PDE1C: variants seen among roughly 807,000 people sequenced by gnomAD.
The protein encoded by PDE1C is dual specificity calcium/calmodulin-dependent 3',5'-cyclic nucleotide phosphodiesterase 1C.
PDE1C carries 62 observed loss-of-function variants against 93.1 expected under a neutral mutation model. The ratio of observed to expected loss-of-function variants is 0.67; its 90% confidence interval spans 0.54 to 0.82. The LOEUF (loss-of-function observed/expected upper bound fraction) is 0.82. Among genes scored for constraint, PDE1C ranks in the 40% least tolerant of loss-of-function variants. The pLI is 0.00. For synonymous variants in PDE1C, 325 were observed against 310.1 expected (o/e 1.05, Z -0.50); for missense variants, 742 against 884.6 (o/e 0.84, Z 2.04).
chr7:31,625,037 G>A, the PDE1C span, among the ~76,000 whole-genome samples: 1 of 152,124 alleles, frequency 6.6e-6, no homozygotes, highest in Admixed American at 6.5e-5. Flanking sequence ...CATCATCACT[G>A]GCCATCAGAG....
At chr7:32,251,391 C>T (rs1259220366) in intron 1 of PDE1C, among the ~76,000 whole-genome samples, 1 of 152,228 alleles carries the variant, frequency 6.6e-6, no homozygotes, top group African/African-American at 2.4e-5. Flanking sequence ...CCATCATCTA[C>T]CCGGTTTTCC....
intron 2 of PDE1C, among the ~76,000 whole-genome samples, chr7:32,206,022 A>G (rs73106517): frequency 0.34 from 51,783 of 152,056 alleles, 9,422 homozygotes; most frequent in Admixed American, 0.46. Flanking sequence ...AACCGATTCT[A>G]GACGCAGTAC....
intron 2 of PDE1C, among the ~76,000 whole-genome samples, chr7:31,901,197 A>C (rs1799939325): frequency 6.6e-6 from 1 of 151,566 alleles, no homozygotes; most frequent in Non-Finnish European, 1.5e-5. Flanking sequence ...AAGTAGGTAG[A>C]AGGAATGAAA....
the PDE1C span, chr7:31,687,023 A>G: frequency 7.2e-5 from 11 of 152,216 alleles, no homozygotes; most frequent in East Asian, 1.9e-3. Flanking sequence ...TGGTGTGCAC[A>G]CCGGAAACTC....
chr7:31,731,707 C>T, the PDE1C span, among the ~76,000 whole-genome samples: 2 of 152,150 alleles, frequency 1.3e-5, no homozygotes, highest in African/African-American at 4.8e-5. Flanking sequence ...AGTTTTCAAT[C>T]AGCAGGCAGA....
At chr7:32,251,364 C>T (rs1809366196) in intron 1 of PDE1C, among the ~76,000 whole-genome samples, 1 of 152,234 alleles carries the variant, frequency 6.6e-6, no homozygotes, top group Non-Finnish European at 1.5e-5. Flanking sequence ...CCTAGAGCTG[C>T]AACTCAGGCA....
chr7:32,152,263 T>C (rs1312459478), intron 3 of PDE1C, among the ~76,000 whole-genome samples: 1 of 152,152 alleles, frequency 6.6e-6, no homozygotes, highest in East Asian at 1.9e-4. Context: ...CAGTTGTGTG[T>C]CCTTGGGCGT....
chr7:32,375,523 A>C (rs977696770), intron 1 of PDE1C, among the ~76,000 whole-genome samples: 2 of 152,246 alleles, frequency 1.3e-5, no homozygotes, highest in African/African-American at 4.8e-5. Flanking sequence ...GTGGTATATC[A>C]ACAACAACAA....
the PDE1C span, among the ~76,000 whole-genome samples, chr7:31,684,181 A>G: frequency 6.6e-6 from 1 of 152,214 alleles, no homozygotes; most frequent in South Asian, 2.1e-4. Context: ...CCCTGGGAAA[A>G]ATCAGCAACA....
chr7:31,664,131 A>G, the PDE1C span, among the ~76,000 whole-genome samples: 2 of 152,300 alleles, frequency 1.3e-5, no homozygotes, highest in Non-Finnish European at 2.9e-5. Flanking sequence ...ACTCTGAACC[A>G]CTGTCCAGTA....
rs900914709 is a variant in PDE1C at position 31,803,429 on chromosome 7, G to A, written c.1891+5602C>T. 2.0e-5 allele frequency among the ~76,000 whole-genome samples: 3 copies of A among 150,420 alleles called. No individual in the cohort carries two copies. The East Asian group carries it at 5.9e-4, about 29-fold the overall frequency. ...TATTATTATTATTATTATACTTTAA[G>A]TTTTAGGGTACATGTGCACAACGTG... On this transcript the variant is annotated intron_variant, in intron 16 of 17. Transcript: ENST00000396191.
intron 3 of PDE1C, among the ~76,000 whole-genome samples, chr7:32,107,289 G>A (rs1330774777): frequency 6.7e-6 from 1 of 149,746 alleles, no homozygotes; most frequent in Non-Finnish European, 1.5e-5. Flanking sequence ...AGGGAAGGAG[G>A]GAGGGAGGGA....
At chr7:32,203,538 C>T (rs1318116358) in intron 2 of PDE1C, among the ~76,000 whole-genome samples, 1 of 152,192 alleles carries the variant, frequency 6.6e-6, no homozygotes, top group Non-Finnish European at 1.5e-5. Context: ...TTCACTCCCC[C>T]ATCCACCCTA....
At chr7:32,407,091 T>C (rs1220149566) in intron 1 of PDE1C, among the ~76,000 whole-genome samples, 1 of 152,038 alleles carries the variant, frequency 6.6e-6, no homozygotes, top group Non-Finnish European at 1.5e-5. Context: ...CTGGCCAACA[T>C]GGTGAAACCC....
At chr7:31,882,808 G>A (rs1183037918) in intron 2 of PDE1C, among the ~76,000 whole-genome samples, 1 of 151,976 alleles carries the variant, frequency 6.6e-6, no homozygotes, top group Non-Finnish European at 1.5e-5. Flanking sequence ...AGTAATAGAA[G>A]TAAAAGCCAG....
At chr7:32,227,070 G>A (rs927594863) in intron 1 of PDE1C, among the ~76,000 whole-genome samples, 1 of 152,104 alleles carries the variant, frequency 6.6e-6, no homozygotes, top group Non-Finnish European at 1.5e-5. Context: ...GTCTCTGCCC[G>A]CAGCCAACCT....
intron 1 of PDE1C, among the ~76,000 whole-genome samples, chr7:32,283,880 G>A (rs1811836247): frequency 6.6e-6 from 1 of 152,134 alleles, no homozygotes; most frequent in Non-Finnish European, 1.5e-5. Flanking sequence ...GATTCACAGA[G>A]GGCTTTAATC....
At chr7:31,966,141 C>T (rs1378295083) in intron 2 of PDE1C, among the ~76,000 whole-genome samples, 1 of 152,070 alleles carries the variant, frequency 6.6e-6, no homozygotes, top group African/African-American at 2.4e-5. Context: ...GCTAAATATT[C>T]CAATTAAAAG....
chr7:32,217,026 T>C (rs902011356), intron 1 of PDE1C, among the ~76,000 whole-genome samples: 5 of 152,344 alleles, frequency 3.3e-5, no homozygotes, highest in Admixed American at 6.5e-5. Context: ...AGGCTCTTTG[T>C]TGAGGTGGGC....
Sources: gnomAD v4.1 joint callset for allele counts (sites outside exome capture counted in the v4.1 genomes callset) on GRCh38, gnomAD v4.1.1 for gene constraint, MANE v1.5 for transcripts, NCBI Gene and HGNC (gene_info 2026-07-23, HGNC 2026-07-21) for gene names.